The following PLA1A variants were observed in gnomAD, a reference collection of about 807,000 sequenced individuals.
The protein encoded by PLA1A is phospholipase A1 member A, also known as phosphatidylserine-specific phospholipase A1alpha.
In PLA1A, 47 loss-of-function variants were observed where a neutral mutation model predicts 49.4. That is an observed-to-expected ratio of 0.95 (90% CI 0.75 to 1.21). The LOEUF (loss-of-function observed/expected upper bound fraction) is 1.21. PLA1A is among the 50% of genes most tolerant of loss of function. The probability of loss-of-function intolerance (pLI) is 0.00; values close to 1 mark genes in which losing one functional copy is unlikely to be tolerated. For missense variants in PLA1A, 561 were observed against 563.9 expected, an observed-to-expected ratio of 0.99 and a Z score of 0.05; for synonymous variants, 224 against 207.9, an observed-to-expected ratio of 1.08 and a Z score of -0.67.
chr3:119,611,000 T>C (rs919745908), intron 4 of PLA1A, among the ~76,000 whole-genome samples: 1 of 152,134 alleles, frequency 6.6e-6, no homozygotes, highest in African/African-American at 2.4e-5. Flanking sequence ...TGGTGAGAGG[T>C]AGGGGTCCAG....
intron 4 of PLA1A, among the ~76,000 whole-genome samples, chr3:119,611,898 C>T (rs2082768289): frequency 6.6e-6 from 1 of 152,190 alleles, no homozygotes; most frequent in Non-Finnish European, 1.5e-5. Context: ...TCTTTCTCAG[C>T]CTCACTTTCT....
chr3:119,621,762 G>T (rs1034827294), intron 8 of PLA1A, among the ~76,000 whole-genome samples: 2 of 152,154 alleles, frequency 1.3e-5, no homozygotes, highest in African/African-American at 2.4e-5. Context: ...AAGGCAGCAT[G>T]GCTTGTAAGC....
intron 1 of PLA1A, among the ~76,000 whole-genome samples, chr3:119,604,605 G>A (rs1456713000): frequency 3.3e-5 from 5 of 152,172 alleles, no homozygotes; most frequent in African/African-American, 7.2e-5. Context: ...CTCAGAGGCT[G>A]AGAAGGGGGA....
At position 119,628,777 on chromosome 3, in the gene PLA1A, A is replaced by T. The variant is rs377259631; in HGVS notation, c.1198A>T (p.Lys400Ter). Residue 400 changes from lysine (K) to a stop codon, truncating the protein, a stop_gained, in exon 10 of 11, where the codon AAG becomes TAG. Coordinates refer to ENST00000273371, the MANE Select transcript of PLA1A (RefSeq NM_015900.4). LOFTEE classifies it high-confidence loss of function. Reference sequence around the variant, plus strand: ...ATGCCAGATAAACCAAGTGAAATTCAAGTTTCAGTCTTCCAACCGAGTTTG... The same window carrying T: ...ATGCCAGATAAACCAAGTGAAATTCTAGTTTCAGTCTTCCAACCGAGTTTG... ...PQCQINQVKFKFQSSNRVWKK... is the reference protein window; with the variant it reads ...PQCQINQVKF 1 of 1,614,022 alleles carries T rather than the reference A, an allele frequency of 6.2e-7. No homozygotes were observed. Among genetic ancestry groups the T allele is most frequent in the African/African-American group, 1.3e-5 (1 of 75,058 alleles).
At chr3:119,605,372 G>A (rs1279775031) in intron 1 of PLA1A, among the ~76,000 whole-genome samples, 1 of 152,148 alleles carries the variant, frequency 6.6e-6, no homozygotes, top group Non-Finnish European at 1.5e-5. Context: ...CATGGCTTGA[G>A]GTATTCTCCA....
intron 2 of PLA1A, among the ~76,000 whole-genome samples, chr3:119,608,083 A>G (rs1363127892): frequency 6.6e-6 from 1 of 152,112 alleles, no homozygotes; most frequent in Non-Finnish European, 1.5e-5. Context: ...TTTGGAAAGC[A>G]CCTAGCATAC....
intron 5 of PLA1A, among the ~76,000 whole-genome samples, chr3:119,613,754 G>A (rs1263254882): frequency 6.6e-6 from 1 of 152,146 alleles, no homozygotes; most frequent in Admixed American, 6.5e-5. Context: ...TTAGCCGGGC[G>A]TGGTGGCGGG....
Position 119,629,498 on chromosome 3 carries a change from A to ATT in PLA1A, c.*45_*46dup, listed in dbSNP as rs3054091. 0.17 allele frequency: 148,163 copies of ATT among 851,046 alleles called. 5,290 individuals are homozygous for ATT. Among genetic ancestry groups the ATT allele is most frequent in the African/African-American group, 0.31 (16,544 of 53,964 alleles). 52.7% of individuals were successfully genotyped at this position (851,046 alleles called of 1,614,324 possible). A position where few individuals can be genotyped will look rare whatever the true frequency, so the allele number is the denominator to read the frequency against. ...ACCTGGGCAGGACACATCTCCCTGCATTTTTTTTTTTTTTTTGAGAGAGAG... is the reference window on the plus strand; with the variant it reads ...ACCTGGGCAGGACACATCTCCCTGCATTTTTTTTTTTTTTTTTTGAGAGAGAG... On this transcript the variant is annotated 3_prime_UTR_variant, in exon 11 of 11. Coordinates refer to ENST00000273371, the MANE Select transcript of PLA1A (RefSeq NM_015900.4).
intron 1 of PLA1A, among the ~76,000 whole-genome samples, chr3:119,600,825 G>C (rs1183232000): frequency 6.6e-6 from 1 of 152,234 alleles, no homozygotes; most frequent in Non-Finnish European, 1.5e-5. Context: ...GGGAGCCCAG[G>C]GCTCAAGGGG....
chr3:119,614,430 C>T (rs1348460832), intron 5 of PLA1A, among the ~76,000 whole-genome samples: 3 of 151,976 alleles, frequency 2.0e-5, no homozygotes, highest in East Asian at 1.9e-4. Flanking sequence ...AGTGAAACCC[C>T]GTCTCTACTA....
chr3:119,618,836 G>C (rs564343658), intron 7 of PLA1A, among the ~76,000 whole-genome samples: 1 of 152,180 alleles, frequency 6.6e-6, no homozygotes, highest in African/African-American at 2.4e-5. Flanking sequence ...CTCACTTCCC[G>C]CTACCCCTGG....
chr3:119,613,028 G>A lies in PLA1A; in HGVS notation c.574G>A (p.Ala192Thr), dbSNP rs527318106. 2.5e-6 allele frequency: 4 copies of A among 1,596,956 alleles called. No homozygotes were observed. In the South Asian group the frequency reaches 3.4e-5, roughly 14 times the overall value. ...GTCTCTTCTCACAGGCCTGGACCCC[G>A]CTGGACCTGAGTACACCAGGGCCAG... The part of the protein sequence containing the change: ...QLGQITGLDP[A>T]GPEYTRASVE... The change falls in exon 5 of 11, where the codon GCT becomes ACT. Residue 192 changes from alanine (A) to threonine (T), a missense_variant. Coordinates refer to ENST00000273371, the MANE Select transcript of PLA1A (RefSeq NM_015900.4).
chr3:119,617,837 T>C (rs2082871138), intron 6 of PLA1A, among the ~76,000 whole-genome samples, 182 bp from the exon 7 acceptor site: 1 of 152,154 alleles, frequency 6.6e-6, no homozygotes, highest in Admixed American at 6.5e-5. Context: ...TCAGGAAAAG[T>C]AAAATGAAAA....
chr3:119,606,676 G>A, intron 1 of PLA1A, 98 bp from the exon 2 acceptor site: 2 of 825,396 alleles, frequency 2.4e-6, no homozygotes, highest in African/African-American at 1.7e-5. Context: ...ATGCCTGCAG[G>A]CCCCTGTTTC....
At chr3:119,610,648 T>A (rs769732450) in intron 4 of PLA1A, among the ~76,000 whole-genome samples, 1 of 152,222 alleles carries the variant, frequency 6.6e-6, no homozygotes, top group Non-Finnish European at 1.5e-5. Context: ...ACCCTCATTT[T>A]AATGGGGTTA....
intron 1 of PLA1A, among the ~76,000 whole-genome samples, chr3:119,598,359 C>G (rs975245793): frequency 6.6e-6 from 1 of 152,150 alleles, no homozygotes; most frequent in South Asian, 2.1e-4. Context: ...TTTAGGTTTT[C>G]CAAACTAATA....
At chr3:119,607,354 G>T in intron 2 of PLA1A, among the ~76,000 whole-genome samples, 1 of 152,170 alleles carries the variant, frequency 6.6e-6, no homozygotes, top group African/African-American at 2.4e-5. Context: ...CAGAGGTTAT[G>T]GGTGTGATGG....
chr3:119,613,072 T>G lies in PLA1A; in HGVS notation c.618T>G (p.Asp206Glu). 1 of 1,609,428 alleles carries G rather than the reference T, an allele frequency of 6.2e-7. No individual in the cohort carries two copies. Among genetic ancestry groups the G allele is most frequent in the African/African-American group, 1.3e-5 (1 of 74,992 alleles). ...YTRASVEERLDAGDALFVEAI... is the reference protein window; with the variant it reads ...YTRASVEERLEAGDALFVEAI... ...GGGCCAGTGTGGAAGAGCGCTTGGA[T>G]GCTGGAGATGCCCTCTTCGTGGAAG... is the stretch of plus-strand genomic sequence containing the variant. Residue 206 changes from aspartate to glutamate, a missense_variant, in exon 5 of 11, where the codon GAT becomes GAG. Transcript: ENST00000273371.
At chr3:119,627,929 G>A (rs2052566002) in intron 9 of PLA1A, among the ~76,000 whole-genome samples, 1 of 152,218 alleles carries the variant, frequency 6.6e-6, no homozygotes, top group Admixed American at 6.5e-5. Context: ...CACCCTGCTA[G>A]GTTGATCACT....
Sources: gnomAD v4.1 joint callset for allele counts (sites outside exome capture counted in the v4.1 genomes callset) on GRCh38, gnomAD v4.1.1 for gene constraint, MANE v1.5 for transcripts, NCBI Gene and HGNC (gene_info 2026-07-23, HGNC 2026-07-21) for gene names.